MAP4K5: variants seen among roughly 807,000 people sequenced by gnomAD.
MAP4K5 encodes mitogen-activated protein kinase kinase kinase kinase 5.
A neutral mutation model predicts 135.6 loss-of-function variants in MAP4K5; 82 were observed. The observed-to-expected ratio is 0.60, with a 90% confidence interval of 0.51 to 0.73. The LOEUF is 0.73. Ranked by LOEUF, MAP4K5 falls within the 30% of genes least tolerant of loss-of-function variation. The probability of loss-of-function intolerance (pLI) is 0.00; values close to 1 mark genes in which losing one functional copy is unlikely to be tolerated. For synonymous variants in MAP4K5, 347 were observed against 335.0 expected, an observed-to-expected ratio of 1.04 and a Z score of -0.39; for missense variants, 907 against 1,010.9, an observed-to-expected ratio of 0.90 and a Z score of 1.39.
chr14:50,426,004 C>T, intron 30 of MAP4K5, 27 bp from the exon 31 acceptor site: 1 of 1,402,002 alleles, frequency 7.1e-7, no homozygotes, highest in Non-Finnish European at 1.0e-6. Flanking sequence ...AGAAGTGAAA[C>T]TAATATAAAG....
At chr14:50,538,779 A>G (rs2038525004) in intron 2 of MAP4K5, among the ~76,000 whole-genome samples, 1 of 152,174 alleles carries the variant, frequency 6.6e-6, no homozygotes, top group South Asian at 2.1e-4. Context: ...CTCACTATCT[A>G]TTGGTGATTC....
chr14:50,512,204 G>A (rs2037944726), intron 2 of MAP4K5, among the ~76,000 whole-genome samples: 1 of 151,960 alleles, frequency 6.6e-6, no homozygotes, highest in Non-Finnish European at 1.5e-5. Context: ...ATCTAAAACT[G>A]CACTAAAAAA....
At chr14:50,427,928 T>TTATG (rs2035881717) in intron 30 of MAP4K5, among the ~76,000 whole-genome samples, 1 of 152,152 alleles carries the variant, frequency 6.6e-6, no homozygotes, top group African/African-American at 2.4e-5. Flanking sequence ...TGGCAAAGAA[T>TTATG]TATGGCATAT....
At chr14:50,502,492 T>A (rs2180499) in intron 3 of MAP4K5, among the ~76,000 whole-genome samples, 1 of 151,996 alleles carries the variant, frequency 6.6e-6, no homozygotes, top group Admixed American at 6.6e-5. Flanking sequence ...ACCATAAATA[T>A]GAAGACGTGG....
chr14:50,472,032 A>G (rs2036976166), intron 9 of MAP4K5: 1 of 152,496 alleles, frequency 6.6e-6, no homozygotes, highest in South Asian at 2.1e-4. Flanking sequence ...AGTTACCTTT[A>G]AACACATGAG....
intron 8 of MAP4K5, among the ~76,000 whole-genome samples, chr14:50,475,891 C>T (rs190027513): frequency 2.6e-5 from 4 of 152,204 alleles, no homozygotes; most frequent in Admixed American, 2.0e-4. Flanking sequence ...ATTTTTTCTA[C>T]CACAAGTAAT....
At chr14:50,469,189 G>A (rs1028924712) in intron 9 of MAP4K5, among the ~76,000 whole-genome samples, 1 of 152,134 alleles carries the variant, frequency 6.6e-6, no homozygotes, top group African/African-American at 2.4e-5. Context: ...ACAAATTCAG[G>A]GAGACCAGCA....
chr14:50,455,888 A>G (rs546501063), intron 14 of MAP4K5, among the ~76,000 whole-genome samples: 1 of 152,230 alleles, frequency 6.6e-6, no homozygotes, highest in Non-Finnish European at 1.5e-5. Context: ...AATTTAGCTA[A>G]GGTGACAAAT....
At chr14:50,494,036 T>C (rs985593537) in intron 3 of MAP4K5, among the ~76,000 whole-genome samples, 9 of 150,838 alleles carry the variant, frequency 6.0e-5, no homozygotes, top group Non-Finnish European at 1.0e-4. Flanking sequence ...AGAAATAAAC[T>C]GAACTAAGGA....
At chr14:50,427,630 T>A (rs1213047238) in intron 30 of MAP4K5, among the ~76,000 whole-genome samples, 2 of 152,228 alleles carry the variant, frequency 1.3e-5, no homozygotes, top group Non-Finnish European at 2.9e-5. Flanking sequence ...CTTTGATTTA[T>A]GGTAGAATCA....
At chr14:50,451,785 C>A (rs1378688333) in intron 14 of MAP4K5, among the ~76,000 whole-genome samples, 1 of 151,484 alleles carries the variant, frequency 6.6e-6, no homozygotes, top group African/African-American at 2.4e-5. Context: ...TAAAAAAAAA[C>A]AAAACGTGTC....
At chr14:50,468,832 A>G in intron 9 of MAP4K5, 50 bp from the exon 10 acceptor site, 1 of 1,525,048 alleles carries the variant, frequency 6.6e-7, no homozygotes, top group Non-Finnish European at 8.9e-7. Context: ...TATTGATCTG[A>G]ATCTGTTACT....
rs374538267 is a variant in MAP4K5 at position 50,446,102 on chromosome 14, T to G, written c.1162A>C (p.Ile388Leu). 3.2e-6 allele frequency: 5 copies of G among 1,574,106 alleles called. No homozygotes were observed. The highest frequency in any genetic ancestry group is 2.6e-6 in the Non-Finnish European group (3 of 1,163,298). Residue 388 changes from isoleucine to leucine, a missense_variant, in exon 17 of 33, where the codon ATA (isoleucine) becomes CTA (leucine). Physicochemically the swap from Ile to Leu is conservative, Grantham distance 5 (BLOSUM62 2). Transcript: ENST00000682126. Reference sequence around the variant, plus strand: ...ACCTTAGGAGGTAGGGGAGGTGGTATTGCACGTTTTGAGGTTGATCTAATA... The same window carrying G: ...ACCTTAGGAGGTAGGGGAGGTGGTAGTGCACGTTTTGAGGTTGATCTAATA... The part of the protein sequence containing the change: ...NTGKSTSKRA[I>L]PPPLPPKPRI...
Position 50,443,987 on chromosome 14 carries a change from T to A in MAP4K5, c.1389A>T (p.Ser463=). 1.2e-6 allele frequency: 2 copies of A among 1,608,924 alleles called. No homozygotes were observed. Among genetic ancestry groups the A allele is most frequent in the Non-Finnish European group, 1.7e-6 (2 of 1,177,316 alleles). The part of the protein sequence containing the change: ...SKLMSENTEG[S]AQAPQLPRKK... ...TTCGTGGTAACTGTGGTGCTTGTGC[T>A]GATCCTTCTGTATTTTCACTCATCA... The change falls in exon 19 of 33, where the codon TCA becomes TCT. Residue 463 remains serine, a synonymous_variant. Transcript: ENST00000682126.
At chr14:50,525,209 T>C (rs1273883692) in intron 2 of MAP4K5, among the ~76,000 whole-genome samples, 1 of 152,212 alleles carries the variant, frequency 6.6e-6, no homozygotes, top group Non-Finnish European at 1.5e-5. Flanking sequence ...CATTCACCTA[T>C]GCAATGCCTT....
chr14:50,418,587 T>G lies in MAP4K5; in HGVS notation c.*1432A>C, dbSNP rs371558621. ...GAAAAGAACAGAGTCAGAAGACTCATGGTCAGGCTCAACTACTAACTTGCT... is the reference window on the plus strand; with the variant it reads ...GAAAAGAACAGAGTCAGAAGACTCAGGGTCAGGCTCAACTACTAACTTGCT... On this transcript the variant is annotated 3_prime_UTR_variant, in exon 33 of 33. Transcript: ENST00000682126. The G allele has an allele frequency of 7.2e-5, 11 of 152,794 alleles. No individual in the cohort carries two copies. In the East Asian group the frequency reaches 7.7e-4, roughly 11 times the overall value. The allele number at this position is 152,794 out of a possible 1,614,324, so 9.5% of individuals were successfully genotyped here.
At chr14:50,466,497 T>C in intron 11 of MAP4K5, 86 bp downstream of exon 11, 2 of 656,212 alleles carry the variant, frequency 3.0e-6, no homozygotes, top group East Asian at 2.8e-5. Context: ...TATGGACTTC[T>C]GTTTAATCAT....
intron 23 of MAP4K5, among the ~76,000 whole-genome samples, chr14:50,439,427 T>C (rs1475809266): frequency 6.6e-6 from 1 of 151,840 alleles, no homozygotes; most frequent in East Asian, 1.9e-4. Context: ...CCCTGGAATC[T>C]TGTTCAGAAG....
At chr14:50,545,808 G>A (rs1417504367) in intron 1 of MAP4K5, among the ~76,000 whole-genome samples, 1 of 152,216 alleles carries the variant, frequency 6.6e-6, no homozygotes, top group Non-Finnish European at 1.5e-5. Context: ...TCAAAGGCAT[G>A]CCAGGTTTTC....
Sources: allele counts gnomAD v4.1 joint callset (sites outside exome capture counted in the v4.1 genomes callset), GRCh38; gene constraint gnomAD v4.1.1; transcripts MANE v1.5; gene names NCBI Gene and HGNC (gene_info 2026-07-23, HGNC 2026-07-21).